Variants in IQCE observed in about 807,000 individuals in gnomAD.
The protein encoded by IQCE is IQ motif containing E.
Under a neutral mutation model 96.0 loss-of-function variants are expected in IQCE, and 115 were observed. The ratio of observed to expected loss-of-function variants is 1.20; its 90% CI spans 1.03 to 1.40. IQCE has a LOEUF of 1.40. Among genes scored for constraint, IQCE ranks in the 40% most tolerant of loss-of-function variants. The pLI, the probability that IQCE is intolerant of heterozygous loss-of-function variation, is 0.00. For synonymous variants in IQCE, 412 were observed against 371.2 expected (o/e 1.11, Z -1.26); for missense variants, 1,041 against 909.1 (o/e 1.15, Z -1.87).
At position 2,593,051 on chromosome 7, in the gene IQCE, A is replaced by G. The variant is rs766170503; in HGVS notation, c.1274A>G (p.Lys425Arg). The G allele has an allele frequency of 7.1e-5, 114 of 1,610,382 alleles. No homozygotes were observed. The highest frequency in any genetic ancestry group is 9.5e-5 in the Non-Finnish European group (112 of 1,177,104). Residue 425 changes from lysine to arginine, a missense_variant, in exon 15 of 22, where the codon AAG (lysine) becomes AGG (arginine). Coordinates refer to ENST00000402050, the MANE Select transcript of IQCE (RefSeq NM_152558.5). ...DLEVKQLLQA[K>R]ADLEKELECA... ...GAGGTGAAGCAGCTCCTGCAGGCGA[A>G]GGCCGACCTGGAGAAGGAGCTGGAG...
Position 2,578,249 on chromosome 7 carries a change from A to G in IQCE, c.473A>G (p.His158Arg), listed in dbSNP as rs1307293368. The G allele has an allele frequency of 1.2e-6, 2 of 1,613,132 alleles. No individual in the cohort carries two copies. The highest frequency in any genetic ancestry group is 1.7e-6 in the Non-Finnish European group (2 of 1,179,294). ...GGCCCTTGTTTTCTTCAGTCATTGCACGTGCAGAAGAGCGACGTGGACCTG... is the reference window on the plus strand; with the variant it reads ...GGCCCTTGTTTTCTTCAGTCATTGCGCGTGCAGAAGAGCGACGTGGACCTG... Reference protein sequence around the residue: ...DEIIELKKSLHVQKSDVDLMR... With the variant: ...DEIIELKKSLRVQKSDVDLMR... Residue 158 changes from histidine (H) to arginine (R), a missense_variant, in exon 7 of 22, where the codon CAC becomes CGC. Transcript: ENST00000402050.
At chr7:2,587,700 G>T in intron 12 of IQCE, 122 bp from the exon 13 acceptor site, 1 of 943,272 alleles carries the variant, frequency 1.1e-6, no homozygotes, top group South Asian at 1.4e-5. Flanking sequence ...TGTCGGTGTG[G>T]CTCTGCAGCC....
chr7:2,593,558 C>T (rs1022090556), intron 15 of IQCE, among the ~76,000 whole-genome samples: 8 of 152,270 alleles, frequency 5.3e-5, no homozygotes, highest in Non-Finnish European at 1.2e-4. Flanking sequence ...CGCGTAGGCG[C>T]AGAGTGGACG....
rs1382236689 is a variant in IQCE at position 2,583,697 on chromosome 7, A to G, written c.762A>G (p.Thr254=). 1 of 1,551,134 alleles carries G rather than the reference A, an allele frequency of 6.4e-7. No homozygotes were observed. Among genetic ancestry groups the G allele is most frequent in the South Asian group, 1.1e-5 (1 of 89,998 alleles). Residue 254 remains threonine (T), a synonymous_variant, in exon 10 of 22, where the codon ACA becomes ACG. Coordinates refer to ENST00000402050, the MANE Select transcript of IQCE (RefSeq NM_152558.5). Reference sequence around the variant, plus strand: ...AAGAGATGCGGATCGCCATGGAGACATACTACGAGGAGGTGCGCCGTGCTG... The same window carrying G: ...AAGAGATGCGGATCGCCATGGAGACGTACTACGAGGAGGTGCGCCGTGCTG... ...NLEEMRIAME[T]YYEEVHRLQT...
intron 11 of IQCE, among the ~76,000 whole-genome samples, chr7:2,585,474 C>T (rs1457405215): frequency 4.6e-5 from 7 of 152,268 alleles, no homozygotes; most frequent in African/African-American, 1.4e-4. Context: ...GCTTCTTGCA[C>T]GCGCATAAGC....
chr7:2,567,180 G>A lies in IQCE; in HGVS notation c.84+17G>A, dbSNP rs1453672239. ...GTGGAGACGGTGAGTGCCGCTGGGTGTCAGCCGTGCGACCTCGGGCTGGTT... is the reference window on the plus strand; with the variant it reads ...GTGGAGACGGTGAGTGCCGCTGGGTATCAGCCGTGCGACCTCGGGCTGGTT... On this transcript the variant is annotated intron_variant, in intron 2 of 21. Coordinates refer to ENST00000402050, the MANE Select transcript of IQCE (RefSeq NM_152558.5). The A allele has an allele frequency of 6.2e-7, 1 of 1,611,026 alleles. No individual in the cohort carries two copies. The highest frequency in any genetic ancestry group is 8.5e-7 in the Non-Finnish European group (1 of 1,178,012).
rs971844729 is a variant in IQCE at position 2,559,079 on chromosome 7, A to T, written c.-103A>T. ...GGCAGCGGGGTCGCGGGCCGGCGCC[A>T]GGGAAGGCCCCGAGGCTGCGGGCGG... is the stretch of plus-strand genomic sequence containing the variant. On this transcript the variant is annotated 5_prime_UTR_variant, in exon 1 of 22. Transcript: ENST00000402050. 5.3e-5 allele frequency: 26 copies of T among 487,388 alleles called. No individual in the cohort carries two copies. Among genetic ancestry groups the T allele is most frequent in the African/African-American group, 1.1e-4 (5 of 47,414 alleles). 30.2% of individuals were successfully genotyped at this position (487,388 alleles called of 1,614,324 possible).
At chr7:2,561,612 G>A (rs938216122) in intron 1 of IQCE, among the ~76,000 whole-genome samples, 1 of 151,720 alleles carries the variant, frequency 6.6e-6, no homozygotes, top group African/African-American at 2.4e-5. Flanking sequence ...TGGTAGACAC[G>A]GGGTTTCACC....
rs570980262 is a variant in IQCE, at chr7:2,609,729, T to A, written c.1970-315T>A. Among the ~76,000 whole-genome samples, 5 of 147,706 alleles carry A rather than the reference T, an allele frequency of 3.4e-5. No homozygotes were observed. The South Asian group carries it at 8.8e-4, about 26-fold the overall frequency. On this transcript the variant is annotated intron_variant, in intron 21 of 21. Coordinates refer to ENST00000402050, the MANE Select transcript of IQCE (RefSeq NM_152558.5). ...GTAAGTTGGTCCTGAGGCTGGAGAG[T>A]GAGGCTTTCTGGCAGGTGTGTAAGT...
At chr7:2,562,369 G>A (rs539208339) in intron 1 of IQCE, among the ~76,000 whole-genome samples, 260 of 151,740 alleles carry the variant, frequency 1.7e-3, no homozygotes, top group African/African-American at 6.1e-3. Flanking sequence ...AAGAATGTTG[G>A]TCTGTAGTGT....
At chr7:2,599,821 T>G (rs1784313742) in intron 17 of IQCE, among the ~76,000 whole-genome samples, 1 of 151,528 alleles carries the variant, frequency 6.6e-6, no homozygotes, top group Non-Finnish European at 1.5e-5. Flanking sequence ...GAGATGGAGT[T>G]TCGCTCTTGT....
intron 1 of IQCE, among the ~76,000 whole-genome samples, 170 bp from the exon 2 acceptor site, chr7:2,566,946 A>T (rs576654823): frequency 1.4e-4 from 21 of 152,048 alleles, no homozygotes; most frequent in African/African-American, 4.6e-4. Flanking sequence ...TTCTGATGAG[A>T]CTGAGGAACT....
chr7:2,570,459 G>T (rs2917752), intron 3 of IQCE, among the ~76,000 whole-genome samples: 1 of 151,186 alleles, frequency 6.6e-6, no homozygotes, highest in African/African-American at 2.4e-5. Context: ...GAGACTATCT[G>T]GGAGGCCAGG....
intron 17 of IQCE, 132 bp from the exon 18 acceptor site, chr7:2,601,309 G>T: frequency 1.5e-6 from 1 of 682,322 alleles, no homozygotes. Flanking sequence ...CGGCAGCTCG[G>T]GAGGGAGGAG....
intron 11 of IQCE, among the ~76,000 whole-genome samples, chr7:2,584,825 CT>C (rs1336833730): frequency 1.3e-5 from 2 of 152,200 alleles, no homozygotes; most frequent in Admixed American, 6.5e-5. Context: ...TTCTTTACCC[CT>C]AATCCTTAAA....
At chr7:2,592,777 G>A (rs1014987468) in intron 14 of IQCE, among the ~76,000 whole-genome samples, 3 of 152,240 alleles carry the variant, frequency 2.0e-5, no homozygotes, top group Non-Finnish European at 2.9e-5. Flanking sequence ...CCTGATGGCA[G>A]GGCCTTCTCT....
At chr7:2,594,146 G>C (rs949294629) in intron 15 of IQCE, among the ~76,000 whole-genome samples, 4 of 152,222 alleles carry the variant, frequency 2.6e-5, no homozygotes, top group South Asian at 2.1e-4. Flanking sequence ...TGTAATCCCA[G>C]CTACTTGGGA....
chr7:2,584,307 TG>T, intron 11 of IQCE, 22 bp downstream of exon 11: 1 of 1,610,240 alleles, frequency 6.2e-7, no homozygotes. Context: ...GCTTGCAAGC[TG>T]TGTTTTGTGT....
At chr7:2,569,268 G>A (rs527589923) in intron 3 of IQCE, among the ~76,000 whole-genome samples, 1 of 152,256 alleles carries the variant, frequency 6.6e-6, no homozygotes, top group African/African-American at 2.4e-5. Flanking sequence ...CAACTCCCCA[G>A]TCTCCCCCGA....
Sources: gnomAD v4.1 joint callset for allele counts (sites outside exome capture counted in the v4.1 genomes callset) on GRCh38, gnomAD v4.1.1 for gene constraint, MANE v1.5 for transcripts, NCBI Gene and HGNC (gene_info 2026-07-23, HGNC 2026-07-21) for gene names.